Variants in BMAL1 observed in about 807,000 individuals in gnomAD.
BMAL1 encodes basic helix-loop-helix ARNT-like protein 1.
chr11:13,278,046 C>T, the BMAL1 span: 2 of 152,136 alleles, frequency 1.3e-5, no homozygotes, highest in African/African-American at 4.8e-5. Flanking sequence ...GCCGAAGAAC[C>T]CTGCCCGACG....
At chr11:13,348,019 G>A in the BMAL1 span, among the ~76,000 whole-genome samples, 1 of 152,146 alleles carries the variant, frequency 6.6e-6, no homozygotes, top group Non-Finnish European at 1.5e-5. Context: ...ATGGGAGGTG[G>A]AGGAGACACG....
the BMAL1 span, among the ~76,000 whole-genome samples, chr11:13,339,980 A>G: frequency 6.6e-6 from 1 of 152,218 alleles, no homozygotes; most frequent in African/African-American, 2.4e-5. Context: ...TGAGAGACTA[A>G]TAAGTGATCG....
chr11:13,296,213 C>G, the BMAL1 span, among the ~76,000 whole-genome samples: 2 of 152,214 alleles, frequency 1.3e-5, no homozygotes, highest in African/African-American at 4.8e-5. Flanking sequence ...CATGGAGACT[C>G]AGCACCCTTC....
the BMAL1 span, among the ~76,000 whole-genome samples, chr11:13,341,113 C>A: frequency 2.0e-5 from 3 of 152,218 alleles, no homozygotes; most frequent in Non-Finnish European, 4.4e-5. Flanking sequence ...TCCTGCCTGT[C>A]TGGTACCTAG....
At chr11:13,325,759 T>C in the BMAL1 span, among the ~76,000 whole-genome samples, 1 of 151,964 alleles carries the variant, frequency 6.6e-6, no homozygotes, top group Non-Finnish European at 1.5e-5. Context: ...AACCTTTTCA[T>C]CTCTGAGTAA....
the BMAL1 span, chr11:13,381,103 C>G: frequency 6.4e-7 from 1 of 1,564,508 alleles, no homozygotes; most frequent in Non-Finnish European, 8.8e-7. Flanking sequence ...TACCCCTTAA[C>G]AAAGCACATA....
chr11:13,366,537 A>G, the BMAL1 span: 1 of 816,588 alleles, frequency 1.2e-6, no homozygotes, highest in African/African-American at 1.7e-5. Context: ...ACAGGTTCAC[A>G]TAGGAAAAGT....
the BMAL1 span, among the ~76,000 whole-genome samples, chr11:13,314,273 T>A: frequency 2.7e-3 from 267 of 100,198 alleles, 1 homozygote; most frequent in African/African-American, 7.9e-3. Flanking sequence ...ACACACACAC[T>A]CTGTCTCTCT....
the BMAL1 span, among the ~76,000 whole-genome samples, chr11:13,370,819 C>T: frequency 1.3e-5 from 2 of 150,506 alleles, no homozygotes; most frequent in East Asian, 1.9e-4. Context: ...AAATATTTAA[C>T]GTGACCATGC....
chr11:13,337,952 A>T, the BMAL1 span, among the ~76,000 whole-genome samples: 4 of 152,196 alleles, frequency 2.6e-5, no homozygotes, highest in African/African-American at 4.8e-5. Flanking sequence ...ACAATTAATT[A>T]GTTCTTCTTT....
the BMAL1 span, among the ~76,000 whole-genome samples, chr11:13,384,032 TTG>T: frequency 6.6e-6 from 1 of 152,218 alleles, no homozygotes; most frequent in African/African-American, 2.4e-5. Flanking sequence ...TGTGATTAAG[TTG>T]TGAGTTGAAC....
the BMAL1 span, among the ~76,000 whole-genome samples, chr11:13,310,435 G>C: frequency 1.3e-5 from 2 of 152,206 alleles, no homozygotes; most frequent in Admixed American, 6.5e-5. Flanking sequence ...AGTGGGCCTA[G>C]CAGCAGTCCC....
At chr11:13,362,867 G>C in the BMAL1 span, among the ~76,000 whole-genome samples, 2 of 151,974 alleles carry the variant, frequency 1.3e-5, no homozygotes, top group African/African-American at 2.4e-5. Flanking sequence ...TTTTGAACAA[G>C]GATCCCTGCA....
At chr11:13,316,302 T>C in the BMAL1 span, among the ~76,000 whole-genome samples, 131 of 152,308 alleles carry the variant, frequency 8.6e-4, no homozygotes, top group Non-Finnish European at 6.6e-4. Context: ...AGCTGCTTCA[T>C]GGTGCAGTTG....
the BMAL1 span, among the ~76,000 whole-genome samples, chr11:13,365,198 G>A: frequency 3.3e-5 from 5 of 151,654 alleles, no homozygotes; most frequent in Non-Finnish European, 5.9e-5. Context: ...ACCTTCAAAA[G>A]AACACGTGCA....
the BMAL1 span, chr11:13,386,844 G>GA: frequency 6.7e-7 from 1 of 1,485,880 alleles, no homozygotes; most frequent in Non-Finnish European, 9.1e-7. Context: ...TGGATAAGGA[G>GA]AGAATAGCTT....
the BMAL1 span, chr11:13,366,870 G>A: frequency 2.1e-6 from 2 of 956,688 alleles, no homozygotes; most frequent in Non-Finnish European, 3.2e-6. Context: ...GTGTGTGATG[G>A]GCTCAGCCTT....
the BMAL1 span, among the ~76,000 whole-genome samples, chr11:13,336,583 G>T: frequency 4.3e-3 from 656 of 152,274 alleles, 3 homozygotes; most frequent in Admixed American, 6.8e-3. Flanking sequence ...GAAACCTGAG[G>T]GCTCTCCAGT....
the BMAL1 span, among the ~76,000 whole-genome samples, chr11:13,293,981 T>C: frequency 2.6e-5 from 4 of 152,224 alleles, no homozygotes; most frequent in Admixed American, 2.6e-4. Flanking sequence ...CAAAACAATA[T>C]GTATTAATAG....
Sources: gnomAD v4.1 joint callset for allele counts (sites outside exome capture counted in the v4.1 genomes callset) on GRCh38, gnomAD v4.1.1 for gene constraint, MANE v1.5 for transcripts, NCBI Gene and HGNC (gene_info 2026-07-23, HGNC 2026-07-21) for gene names.